The following TASP1 variants were observed in gnomAD, a reference collection of about 807,000 sequenced individuals.
TASP1 encodes the protein taspase 1.
TASP1 carries 16 observed loss-of-function variants against 56.6 expected under a neutral mutation model. The observed-to-expected ratio is 0.28, with a 90% CI of 0.19 to 0.43. The LOEUF (loss-of-function observed/expected upper bound fraction) is 0.43, where lower values mean the gene tolerates loss of function less well. Among genes scored for constraint, TASP1 ranks in the 20% least tolerant of loss-of-function variants. The probability of loss-of-function intolerance (pLI) is 1.00; values close to 1 mark genes in which losing one functional copy is unlikely to be tolerated. For missense variants in TASP1, 393 were observed against 511.6 expected, an observed-to-expected ratio of 0.77 and a Z score of 2.24; for synonymous variants, 179 against 184.2, an observed-to-expected ratio of 0.97 and a Z score of 0.23.
the TASP1 span, among the ~76,000 whole-genome samples, chr20:13,220,833 C>G: frequency 6.6e-6 from 1 of 152,344 alleles, no homozygotes; most frequent in South Asian, 2.1e-4. Context: ...TCCATCACTG[C>G]AACTCCAGCT....
At chr20:13,232,456 GT>G in the TASP1 span, among the ~76,000 whole-genome samples, 1 of 152,194 alleles carries the variant, frequency 6.6e-6, no homozygotes, top group East Asian at 1.9e-4. Context: ...CATTCATGTT[GT>G]TCTGTGCATA....
the TASP1 span, among the ~76,000 whole-genome samples, chr20:13,335,748 T>C: frequency 1.3e-5 from 2 of 151,150 alleles, no homozygotes; most frequent in African/African-American, 4.9e-5. Flanking sequence ...TTAAATGTAA[T>C]AGAAAGTTGA....
At chr20:13,373,478 T>C in the TASP1 span, among the ~76,000 whole-genome samples, 4 of 150,800 alleles carry the variant, frequency 2.7e-5, no homozygotes, top group African/African-American at 9.8e-5. Flanking sequence ...TTTCTGGATA[T>C]GTCTTGATTT....
intron 12 of TASP1, among the ~76,000 whole-genome samples, chr20:13,420,572 T>C (rs1028728336): frequency 6.6e-6 from 1 of 152,234 alleles, no homozygotes; most frequent in Non-Finnish European, 1.5e-5. Flanking sequence ...GAATTTAAAT[T>C]ATAAAACACT....
At chr20:13,489,832 C>A (rs1034889460) in intron 10 of TASP1, among the ~76,000 whole-genome samples, 2 of 152,194 alleles carry the variant, frequency 1.3e-5, no homozygotes, top group African/African-American at 4.8e-5. Flanking sequence ...CACTGTTGTA[C>A]AACCATCAGC....
intron 11 of TASP1, among the ~76,000 whole-genome samples, chr20:13,476,006 C>A (rs2042935916): frequency 6.6e-6 from 1 of 152,032 alleles, no homozygotes; most frequent in Admixed American, 6.6e-5. Context: ...GTAATCCCAG[C>A]TACTTGGGAG....
the TASP1 span, among the ~76,000 whole-genome samples, chr20:13,179,475 A>G: frequency 1.3e-5 from 2 of 151,608 alleles, no homozygotes; most frequent in African/African-American, 4.8e-5. Context: ...AACAATTTGG[A>G]GAAAAAATAC....
chr20:13,595,623 CAAAG>C (rs1425747119), intron 4 of TASP1, among the ~76,000 whole-genome samples: 3 of 152,044 alleles, frequency 2.0e-5, no homozygotes, highest in Non-Finnish European at 4.4e-5. Flanking sequence ...TCAAAACAGA[CAAAG>C]AAGGCCATTA....
intron 10 of TASP1, among the ~76,000 whole-genome samples, chr20:13,484,826 T>C (rs1176430664): frequency 6.6e-6 from 1 of 151,944 alleles, no homozygotes; most frequent in South Asian, 2.1e-4. Context: ...TCATGTCCTT[T>C]GCAGGGACGT....
the TASP1 span, among the ~76,000 whole-genome samples, chr20:13,349,128 G>A: frequency 7.9e-5 from 12 of 152,150 alleles, no homozygotes; most frequent in African/African-American, 2.7e-4. Context: ...TTTGGTTCCT[G>A]GGGCCTTTTG....
At chr20:13,586,517 G>C (rs2047312141) in intron 5 of TASP1, among the ~76,000 whole-genome samples, 1 of 152,108 alleles carries the variant, frequency 6.6e-6, no homozygotes, top group Non-Finnish European at 1.5e-5. Flanking sequence ...AGCACAAGAA[G>C]TATGGACCAA....
intron 4 of TASP1, among the ~76,000 whole-genome samples, chr20:13,615,111 C>T (rs1171172959): frequency 6.6e-6 from 1 of 152,058 alleles, no homozygotes; most frequent in African/African-American, 2.4e-5. Flanking sequence ...ACTTTTAAGT[C>T]CTCTACTAAG....
the TASP1 span, among the ~76,000 whole-genome samples, chr20:13,322,904 T>A: frequency 6.6e-6 from 1 of 152,182 alleles, no homozygotes; most frequent in Non-Finnish European, 1.5e-5. Flanking sequence ...TCTCTCAGCA[T>A]CTGAACTCTC....
chr20:13,505,135 AC>A (rs2146673018), intron 10 of TASP1, among the ~76,000 whole-genome samples: 1 of 152,270 alleles, frequency 6.6e-6, no homozygotes, highest in Non-Finnish European at 1.5e-5. Flanking sequence ...TTATTATAAG[AC>A]AAAGTAGACT....
At chr20:13,270,451 A>G in the TASP1 span, 1 of 1,555,720 alleles carries the variant, frequency 6.4e-7, no homozygotes, top group East Asian at 2.4e-5. Context: ...TAAGGGTGAC[A>G]TTTTTTAATC....
At chr20:13,259,141 G>A in the TASP1 span, among the ~76,000 whole-genome samples, 1 of 152,054 alleles carries the variant, frequency 6.6e-6, no homozygotes, top group Non-Finnish European at 1.5e-5. Flanking sequence ...AAATTAGCCA[G>A]GCATGGTGGT....
the TASP1 span, chr20:13,168,714 C>T: frequency 6.6e-6 from 1 of 152,208 alleles, no homozygotes; most frequent in African/African-American, 2.4e-5. Flanking sequence ...CTTAAATATA[C>T]ATTTTGATTT....
At chr20:13,281,966 C>T in the TASP1 span, among the ~76,000 whole-genome samples, 1 of 152,290 alleles carries the variant, frequency 6.6e-6, no homozygotes, top group African/African-American at 2.4e-5. Flanking sequence ...ACCAGCACCA[C>T]TAGCATCACG....
downstream of TASP1, among the ~76,000 whole-genome samples, chr20:13,387,349 A>G (rs1393394677): frequency 6.6e-6 from 1 of 151,350 alleles, no homozygotes; most frequent in African/African-American, 2.4e-5. Context: ...ACCCACCACC[A>G]CGCCCAGCTT....
Sources: allele counts gnomAD v4.1 joint callset (sites outside exome capture counted in the v4.1 genomes callset), GRCh38; gene constraint gnomAD v4.1.1; transcripts MANE v1.5; gene names NCBI Gene and HGNC (gene_info 2026-07-23, HGNC 2026-07-21).